The following CECR2 variants were observed in gnomAD, a reference collection of about 807,000 sequenced individuals.
CECR2 encodes the protein chromatin remodeling regulator CECR2.
A neutral mutation model predicts 154.5 loss-of-function variants in CECR2; 30 were observed. The observed-to-expected ratio is 0.19, with a 90% CI of 0.15 to 0.26. The LOEUF is 0.26. CECR2 is among the 10% of genes least tolerant of loss of function. The pLI, the probability that CECR2 is intolerant of heterozygous loss-of-function variation, is 1.00. For synonymous variants in CECR2, 725 were observed against 683.7 expected, an observed-to-expected ratio of 1.06 and a Z score of -0.94; for missense variants, 1,743 against 1,829.3, an observed-to-expected ratio of 0.95 and a Z score of 0.86.
intron 7 of CECR2, among the ~76,000 whole-genome samples, chr22:17,510,127 A>G (rs1601485951): frequency 6.6e-6 from 1 of 152,336 alleles, no homozygotes; most frequent in South Asian, 2.1e-4. Context: ...GCGATGGGAA[A>G]GTGCGTAGGG....
rs528730615 is a variant in CECR2, at chr22:17,398,273, T to C, written c.126+28364T>C. ...AGCGTTGGGCCCAAGAAAGCTGGAC[T>C]GCCGGCCTGGTATGACTCGTCCGAT... On this transcript the variant is annotated intron_variant, in intron 1 of 18. Coordinates refer to ENST00000262608, the MANE Select transcript of CECR2 (RefSeq NM_001290047.2). Among the ~76,000 whole-genome samples, 114 of 152,208 alleles carry C rather than the reference T, an allele frequency of 7.5e-4. 1 individual carries two copies. Among genetic ancestry groups the C allele is most frequent in the African/African-American group, 2.7e-3 (111 of 41,532 alleles).
At chr22:17,456,426 C>T (rs1402575998) in intron 1 of CECR2, among the ~76,000 whole-genome samples, 1 of 152,110 alleles carries the variant, frequency 6.6e-6, no homozygotes, top group Non-Finnish European at 1.5e-5. Context: ...TTGTTTTTCT[C>T]AAAGTGATCT....
intron 1 of CECR2, among the ~76,000 whole-genome samples, chr22:17,398,876 C>T (rs1010310309): frequency 6.6e-6 from 1 of 152,052 alleles, no homozygotes; most frequent in Non-Finnish European, 1.5e-5. Context: ...CTCAGGGAGG[C>T]TTAGTATAGA....
chr22:17,385,261 G>A (rs1353347658), intron 1 of CECR2, among the ~76,000 whole-genome samples: 6 of 152,120 alleles, frequency 3.9e-5, no homozygotes, highest in Non-Finnish European at 8.8e-5. Flanking sequence ...TTCACAACTT[G>A]GCTAACTGGC....
At chr22:17,482,928 A>G (rs10854507) in intron 2 of CECR2, among the ~76,000 whole-genome samples, 3,646 of 152,060 alleles carry the variant, frequency 0.024, 146 homozygotes, top group East Asian at 0.22. Context: ...TGATCCTCCC[A>G]CCTTGGCCTC....
At chr22:17,458,344 T>C (rs2054885587) in intron 1 of CECR2, among the ~76,000 whole-genome samples, 1 of 151,308 alleles carries the variant, frequency 6.6e-6, no homozygotes, top group African/African-American at 2.4e-5. Flanking sequence ...AACCCAAGAG[T>C]TGGAGGTTGC....
rs748243217 is a variant in CECR2, at chr22:17,542,720, C to T, written c.2577C>T (p.Pro859=). The stretch of plus-strand genomic sequence containing the variant: ...TACAGCCACCTCCAGTGCCAGCACC[C>T]AGTTCTTTGTTTGGAGCACCTGCCC... ...HRLQPPPVPA[P]SSLFGAPAQA... Residue 859 remains proline, a synonymous_variant, in exon 16 of 19, where the codon CCC becomes CCT. Transcript: ENST00000262608. 2.5e-6 allele frequency: 4 copies of T among 1,613,920 alleles called. No individual in the cohort carries two copies. The African/African-American group carries it at 5.3e-5, about 22-fold the overall frequency.
At chr22:17,475,100 G>C (rs566901980) in intron 1 of CECR2, among the ~76,000 whole-genome samples, 1 of 152,170 alleles carries the variant, frequency 6.6e-6, no homozygotes, top group African/African-American at 2.4e-5. Flanking sequence ...GGACGCCACA[G>C]TGACAGTGAG....
chr22:17,553,101 G>C lies in CECR2; in HGVS notation c.*261G>C, dbSNP rs547492739. 1 of 636,482 alleles carries C rather than the reference G, an allele frequency of 1.6e-6. No homozygotes were observed. The highest frequency in any genetic ancestry group is 1.9e-5 in the African/African-American group (1 of 52,606). 39.4% of individuals were successfully genotyped at this position (636,482 alleles called of 1,614,324 possible). A position where few individuals can be genotyped will look rare whatever the true frequency, so the allele number is the denominator to read the frequency against. On this transcript the variant is annotated 3_prime_UTR_variant, in exon 19 of 19. Coordinates refer to ENST00000262608, the MANE Select transcript of CECR2 (RefSeq NM_001290047.2). ...AGACAGTCAGGCAAAACTAATGAAC[G>C]TGGAGTTAATGATGACTTTTCCAAA...
intron 1 of CECR2, among the ~76,000 whole-genome samples, chr22:17,360,617 C>G (rs1245501618): frequency 1.3e-5 from 2 of 151,354 alleles, no homozygotes; most frequent in Admixed American, 1.3e-4. Flanking sequence ...GCAGAGGTTG[C>G]AGTGAACCAA....
rs77448394 is a variant in CECR2, at chr22:17,485,846, G to A, written c.221+8164G>A. Among the ~76,000 whole-genome samples, 1,350 of 152,290 alleles carry A rather than the reference G, an allele frequency of 8.9e-3. 16 individuals are homozygous for A. Among genetic ancestry groups the A allele is most frequent in the African/African-American group, 0.031 (1,283 of 41,562 alleles). On this transcript the variant is annotated intron_variant, in intron 2 of 18. Transcript: ENST00000262608. Reference sequence around the variant, plus strand: ...AGTGTTGTATTCATCTAACAGCAGAGCTAATTTCCCAAAATTACTGTCTTC... The same window carrying A: ...AGTGTTGTATTCATCTAACAGCAGAACTAATTTCCCAAAATTACTGTCTTC...
chr22:17,511,295 C>T (rs1305369736), intron 7 of CECR2, among the ~76,000 whole-genome samples: 1 of 152,164 alleles, frequency 6.6e-6, no homozygotes, highest in Non-Finnish European at 1.5e-5. Context: ...CAGCCTGGTG[C>T]ATTTCCTTGG....
chr22:17,425,556 T>A (rs763437741), intron 1 of CECR2, among the ~76,000 whole-genome samples: 1 of 152,134 alleles, frequency 6.6e-6, no homozygotes, highest in South Asian at 2.1e-4. Context: ...ACTGAGCAAA[T>A]ACATCTAAAT....
intron 1 of CECR2, among the ~76,000 whole-genome samples, chr22:17,361,657 T>C (rs1478878255): frequency 6.6e-6 from 1 of 151,536 alleles, no homozygotes; most frequent in Non-Finnish European, 1.5e-5. Flanking sequence ...GAGAATCACT[T>C]GAACCCGGGG....
chr22:17,526,069 T>C (rs1012573465), intron 9 of CECR2, among the ~76,000 whole-genome samples: 3 of 152,202 alleles, frequency 2.0e-5, no homozygotes, highest in African/African-American at 7.2e-5. Flanking sequence ...ATTCTTAAAA[T>C]GTCCATAGTA....
intron 1 of CECR2, among the ~76,000 whole-genome samples, chr22:17,464,275 T>C (rs2054990552): frequency 6.6e-6 from 1 of 152,184 alleles, no homozygotes; most frequent in Non-Finnish European, 1.5e-5. Flanking sequence ...TTCTTACTAG[T>C]ATCAAGTTTA....
At chr22:17,466,084 T>C (rs2055028025) in intron 1 of CECR2, among the ~76,000 whole-genome samples, 2 of 152,018 alleles carry the variant, frequency 1.3e-5, no homozygotes, top group South Asian at 2.1e-4. Flanking sequence ...CGCAGTGGTA[T>C]GATCTCGTCG....
chr22:17,369,876 C>T lies in CECR2; in HGVS notation c.93C>T (p.Arg31=), dbSNP rs2146431684. The T allele has an allele frequency of 6.6e-6, 1 of 151,236 alleles. No individual in the cohort carries two copies. The highest frequency in any genetic ancestry group is 2.0e-4 in the East Asian group (1 of 5,124). 9.4% of individuals were successfully genotyped at this position (151,236 alleles called of 1,614,324 possible). Residue 31 remains arginine, a synonymous_variant, in exon 1 of 19, where the codon CGC becomes CGT. Transcript: ENST00000262608. The part of the protein sequence containing the change: ...PAIAHFCSLF[R]TAFRLPDFEI... ...TCGCGCACTTCTGCTCGCTCTTTCG[C>T]ACCGCGTTCCGCCTGCCCGACTTCG...
Position 17,548,270 on chromosome 22 carries a change from C to T in CECR2, c.2983C>T (p.Pro995Ser), listed in dbSNP as rs1328023397. Residue 995 changes from proline (P) to serine (S), a missense_variant, in exon 17 of 19, where the codon CCA becomes TCA. Transcript: ENST00000262608. ...LQTDCTRQSSPQERETVGPEL... is the reference protein window; with the variant it reads ...LQTDCTRQSSSQERETVGPEL... Reference sequence around the variant, plus strand: ...GACTGACTGCACCAGGCAGAGCTCACCACAAGAAAGGGAAACAGTGGGCCC... The same window carrying T: ...GACTGACTGCACCAGGCAGAGCTCATCACAAGAAAGGGAAACAGTGGGCCC... 2 of 1,606,818 alleles carry T rather than the reference C, an allele frequency of 1.2e-6. No homozygotes were observed. Among genetic ancestry groups the T allele is most frequent in the African/African-American group, 1.3e-5 (1 of 74,688 alleles).
Sources: allele counts gnomAD v4.1 joint callset (sites outside exome capture counted in the v4.1 genomes callset), GRCh38; gene constraint gnomAD v4.1.1; transcripts MANE v1.5; gene names NCBI Gene and HGNC (gene_info 2026-07-23, HGNC 2026-07-21).